AHRR: variants seen among roughly 807,000 people sequenced by gnomAD.
AHRR encodes ahR repressor.
Under a neutral mutation model 44.0 loss-of-function variants are expected in AHRR, and 28 were observed. The ratio of observed to expected loss-of-function variants is 0.64; its 90% CI spans 0.47 to 0.87. The LOEUF (loss-of-function observed/expected upper bound fraction) is 0.87, where lower values mean the gene tolerates loss of function less well. Among genes scored for constraint, AHRR ranks in the 40% least tolerant of loss-of-function variants. The probability of loss-of-function intolerance (pLI) is 0.00; values close to 1 mark genes in which losing one functional copy is unlikely to be tolerated. For synonymous variants in AHRR, 434 were observed against 407.0 expected (o/e 1.07, Z -0.80); for missense variants, 990 against 953.9 (o/e 1.04, Z -0.50).
In AHRR at chr5:376,688, C is replaced by T. The variant is rs866630885; in HGVS notation, c.323C>T (p.Ala108Val). 8.7e-6 allele frequency: 14 copies of T among 1,609,054 alleles called. No homozygotes were observed. In the African/African-American group the frequency reaches 1.5e-4, roughly 17 times the overall value. ...PGDSCPLAGS[A>V]VLEGRLLLES... ...GACAGCTGTCCTCTTGCAGGGTCTG[C>T]CGTGCTGGAGGGAAGGCTGCTGTTG... The change falls in exon 4 of 11, where the codon GCC becomes GTC. Residue 108 changes from alanine (A) to valine (V), a missense_variant. Ala to Val is a moderately conservative substitution (Grantham distance 64, BLOSUM62 0). Coordinates refer to ENST00000684583, the MANE Select transcript of AHRR (RefSeq NM_001377236.1).
chr5:355,956 G>A (rs753662696), intron 3 of AHRR, among the ~76,000 whole-genome samples: 4 of 152,230 alleles, frequency 2.6e-5, no homozygotes, highest in Admixed American at 6.5e-5. Context: ...TCATTTCCAC[G>A]TATAATTAGA....
chr5:385,026 C>T (rs1288314171), intron 4 of AHRR, among the ~76,000 whole-genome samples: 1 of 152,116 alleles, frequency 6.6e-6, no homozygotes, highest in East Asian at 1.9e-4. Flanking sequence ...TGCCTGTAAT[C>T]CCAGCTACTC....
At chr5:397,203 ATAGCCCCTGACCATCCACG>A (rs1560906935) in intron 4 of AHRR, among the ~76,000 whole-genome samples, 7 of 37,554 alleles carry the variant, frequency 1.9e-4, no homozygotes, top group Admixed American at 6.9e-4. Flanking sequence ...GACCATCCAC[ATAGCCCCTGACCATCCACG>A]TAGCCCCTGA....
intron 3 of AHRR, 93 bp from the exon 4 acceptor site, chr5:376,517 G>C: frequency 2.2e-6 from 3 of 1,362,190 alleles, no homozygotes; most frequent in South Asian, 2.9e-5. Flanking sequence ...GAACCGTGGG[G>C]TGAACGCGGG....
At position 324,003 on chromosome 5, in the gene AHRR, TTC is replaced by T. The variant is rs1026760660; in HGVS notation, c.-11+2188_-11+2189del. 2.9e-4 allele frequency among the ~76,000 whole-genome samples: 34 copies of T among 117,798 alleles called. No individual in the cohort carries two copies. In the East Asian group the frequency reaches 3.8e-3, roughly 13 times the overall value. The allele number at this position is 117,798 out of a possible 152,430, so 77.3% of individuals were successfully genotyped here. On this transcript the variant is annotated intron_variant, in intron 1 of 10. Coordinates refer to ENST00000684583, the MANE Select transcript of AHRR (RefSeq NM_001377236.1). ...TTCCTTCCTACCTTCCTTTCTTTTTTTCTCTTTCTTTCTTTCTTTCTCTCTCT... is the reference window on the plus strand; with the variant it reads ...TTCCTTCCTACCTTCCTTTCTTTTTTTCTTTCTTTCTTTCTTTCTCTCTCT...
At chr5:367,853 C>G (rs538122410) in intron 3 of AHRR, 3 of 702,478 alleles carry the variant, frequency 4.3e-6, no homozygotes, top group African/African-American at 3.5e-5. Flanking sequence ...GATGACCACA[C>G]GGGCGAACGA....
chr5:339,212 T>C (rs1298731816), intron 1 of AHRR, among the ~76,000 whole-genome samples: 1 of 152,170 alleles, frequency 6.6e-6, no homozygotes, highest in Non-Finnish European at 1.5e-5. Context: ...TGTCCTGGGC[T>C]CAAGTGATCC....
At chr5:403,374 C>CG (rs1247671918) in intron 4 of AHRR, among the ~76,000 whole-genome samples, 7 of 152,106 alleles carry the variant, frequency 4.6e-5, no homozygotes, top group Non-Finnish European at 7.4e-5. Context: ...CAGTGGCTCA[C>CG]CCTGTAATCC....
intron 5 of AHRR, chr5:421,185 C>T (rs1448237001): frequency 4.8e-6 from 3 of 620,690 alleles, no homozygotes; most frequent in South Asian, 1.7e-5. Context: ...CGGCTGGTGC[C>T]GGGCAGGAGG....
chr5:376,058 CT>C (rs1733610450), intron 3 of AHRR, among the ~76,000 whole-genome samples: 1 of 109,986 alleles, frequency 9.1e-6, no homozygotes, highest in Admixed American at 8.3e-5. Context: ...TGGCCTGCTT[CT>C]CACTAGGGAG....
intron 4 of AHRR, among the ~76,000 whole-genome samples, chr5:407,365 T>C (rs1223158497): frequency 6.6e-6 from 1 of 152,188 alleles, no homozygotes; most frequent in African/African-American, 2.4e-5. Context: ...GTTTTCTTCA[T>C]ATAGGTTTTG....
chr5:416,593 C>T (rs1229924560), intron 5 of AHRR, among the ~76,000 whole-genome samples: 1 of 152,210 alleles, frequency 6.6e-6, no homozygotes, highest in Non-Finnish European at 1.5e-5. Context: ...ATGGCATCAG[C>T]GTCTGGGTGG....
intron 5 of AHRR, chr5:421,164 G>C (rs551931934): frequency 8.6e-6 from 5 of 583,012 alleles, no homozygotes; most frequent in Admixed American, 3.1e-5. Context: ...CTGGGAGGCC[G>C]CTCTGGCGCC....
rs1234958983 is a variant in AHRR at position 435,495 on chromosome 5, G to C, written c.*661G>C. On this transcript the variant is annotated 3_prime_UTR_variant, in exon 11 of 11. Transcript: ENST00000684583. ...CGTGGGTCCCACACTGCCCCACACCGTGCGGCAGGTGCTCCATGGCGCCAT... is the reference window on the plus strand; with the variant it reads ...CGTGGGTCCCACACTGCCCCACACCCTGCGGCAGGTGCTCCATGGCGCCAT... The C allele has an allele frequency of 1.3e-5, 2 of 152,646 alleles. No homozygotes were observed. The highest frequency in any genetic ancestry group is 3.8e-4 in the East Asian group (2 of 5,324). 9.5% of individuals were successfully genotyped at this position (152,646 alleles called of 1,614,324 possible).
chr5:333,934 G>A (rs756990584), intron 1 of AHRR, among the ~76,000 whole-genome samples: 7 of 152,122 alleles, frequency 4.6e-5, no homozygotes, highest in South Asian at 2.1e-4. Flanking sequence ...CCCTCAGATC[G>A]GCTTTTCTGG....
chr5:431,039 C>T (rs1017378961), intron 8 of AHRR, among the ~76,000 whole-genome samples: 5 of 152,234 alleles, frequency 3.3e-5, no homozygotes, highest in African/African-American at 7.2e-5. Flanking sequence ...CACTGTCCTC[C>T]GCTTACCGTC....
chr5:414,258 A>G (rs553826680), intron 5 of AHRR, among the ~76,000 whole-genome samples: 6 of 152,000 alleles, frequency 3.9e-5, no homozygotes, highest in African/African-American at 7.3e-5. Context: ...GCGAGACTCC[A>G]TCTCAAAAAT....
At chr5:402,605 T>C (rs1021352043) in intron 4 of AHRR, among the ~76,000 whole-genome samples, 2 of 152,118 alleles carry the variant, frequency 1.3e-5, no homozygotes, top group African/African-American at 4.8e-5. Flanking sequence ...GAAGGCTACA[T>C]GGAGCTTCCT....
chr5:427,262 T>C (rs73038980), intron 7 of AHRR, among the ~76,000 whole-genome samples: 3,853 of 152,336 alleles, frequency 0.025, 149 homozygotes, highest in African/African-American at 0.088. Flanking sequence ...TTTATTTTCT[T>C]ATATAACAAA....
Sources: allele counts gnomAD v4.1 joint callset (sites outside exome capture counted in the v4.1 genomes callset), GRCh38; gene constraint gnomAD v4.1.1; transcripts MANE v1.5; gene names NCBI Gene and HGNC (gene_info 2026-07-23, HGNC 2026-07-21).